GDAP1L1: variants seen among roughly 807,000 people sequenced by gnomAD.
The protein encoded by GDAP1L1 is ganglioside-induced differentiation-associated protein 1-like 1.
GDAP1L1 carries 21 observed loss-of-function variants against 37.1 expected under a neutral mutation model. The observed-to-expected ratio is 0.57, with a 90% CI of 0.40 to 0.81. The LOEUF (loss-of-function observed/expected upper bound fraction) is 0.81, where lower values mean the gene tolerates loss of function less well. GDAP1L1 is among the 40% of genes least tolerant of loss of function. GDAP1L1 has a pLI of 0.00. For synonymous variants in GDAP1L1, 193 were observed against 209.1 expected, an observed-to-expected ratio of 0.92 and a Z score of 0.67; for missense variants, 362 against 491.6, an observed-to-expected ratio of 0.74 and a Z score of 2.49.
At position 44,279,908 on chromosome 20, in the gene GDAP1L1, G is replaced by A. The variant is rs8121976; in HGVS notation, c.*608G>A. 1.1e-4 allele frequency: 46 copies of A among 401,594 alleles called. No individual in the cohort carries two copies. Among genetic ancestry groups the A allele is most frequent in the East Asian group, 2.9e-4 (4 of 13,950 alleles). 24.9% of individuals were successfully genotyped at this position (401,594 alleles called of 1,614,324 possible). On this transcript the variant is annotated 3_prime_UTR_variant, in exon 6 of 6. Coordinates refer to ENST00000342560, the MANE Select transcript of GDAP1L1 (RefSeq NM_024034.6). ...CCAAAAACCAGGCTGCAGTGGGGACGGATACCATGAGCACACCCTCTCATT... is the reference window on the plus strand; with the variant it reads ...CCAAAAACCAGGCTGCAGTGGGGACAGATACCATGAGCACACCCTCTCATT...
upstream of GDAP1L1, chr20:44,247,120 G>A (rs1387698767): frequency 1.0e-5 from 6 of 593,256 alleles, no homozygotes; most frequent in Admixed American, 9.0e-5. Flanking sequence ...GACACTGAGG[G>A]CTGGCGGCTT....
chr20:44,248,483 T>C (rs2073377586), intron 1 of GDAP1L1, among the ~76,000 whole-genome samples: 1 of 152,254 alleles, frequency 6.6e-6, no homozygotes, highest in Non-Finnish European at 1.5e-5. Flanking sequence ...ACAGAATCCA[T>C]GAAGAGAAAG....
At chr20:44,265,587 T>C (rs1191607635) in intron 5 of GDAP1L1, 1 of 655,880 alleles carries the variant, frequency 1.5e-6, no homozygotes, top group South Asian at 6.8e-5. Flanking sequence ...CTTGGACAAG[T>C]TGCTTTCCCT....
intron 1 of GDAP1L1, among the ~76,000 whole-genome samples, chr20:44,252,627 C>T (rs888142049): frequency 1.8e-4 from 27 of 152,014 alleles, no homozygotes; most frequent in Admixed American, 8.5e-4. Context: ...GTAACAAGAG[C>T]GAAACTCAAG....
rs1444034572 is a variant in GDAP1L1, at chr20:44,265,843, C to T, written c.760+1284C>T. On this transcript the variant is annotated intron_variant, in intron 5 of 5. Coordinates refer to ENST00000342560, the MANE Select transcript of GDAP1L1 (RefSeq NM_024034.6). ...TCATGGTTAGGGCCAGAACTTGTTC[C>T]CTCTCGATGGGTCCAGTGTTGTTTC... Among the ~76,000 whole-genome samples, 7 of 152,222 alleles carry T rather than the reference C, an allele frequency of 4.6e-5. No individual in the cohort carries two copies. The South Asian group carries it at 1.5e-3, about 32-fold the overall frequency.
chr20:44,271,194 G>A (rs536110278), intron 5 of GDAP1L1, among the ~76,000 whole-genome samples: 1 of 152,308 alleles, frequency 6.6e-6, no homozygotes, highest in South Asian at 2.1e-4. Flanking sequence ...AGCCTAGGAG[G>A]TTGAGGCTGC....
chr20:44,267,869 G>A (rs1031724444), intron 5 of GDAP1L1, among the ~76,000 whole-genome samples: 8 of 152,200 alleles, frequency 5.3e-5, no homozygotes, highest in South Asian at 4.1e-4. Context: ...ACTGCTGACC[G>A]CTGTCCTGAG....
At chr20:44,267,928 G>A (rs6017306) in intron 5 of GDAP1L1, among the ~76,000 whole-genome samples, 43,177 of 152,058 alleles carry the variant, frequency 0.28, 6,784 homozygotes, top group East Asian at 0.45. Context: ...GAGATAAGTG[G>A]GGTTGCTCAA....
At chr20:44,264,642 GC>G (rs779163133) in intron 5 of GDAP1L1, 83 bp downstream of exon 5, 1 of 1,535,284 alleles carries the variant, frequency 6.5e-7, no homozygotes, top group South Asian at 1.2e-5. Context: ...TCTTTTTTCC[GC>G]AAAAGTCTCA....
chr20:44,258,505 C>CT lies in GDAP1L1; in HGVS notation c.446dup (p.Asp150GlyfsTer49), dbSNP rs750983313. ...ACGGGTGCTGCAGTACCGGGAGCTG[C>CT]TGGACGCACTGCCCATGGATGCCTA... On this transcript the variant is annotated frameshift_variant, in exon 3 of 6. Transcript: ENST00000342560. LOFTEE classifies it high-confidence loss of function. The CT allele has an allele frequency of 1.1e-5, 18 of 1,565,342 alleles. No homozygotes were observed. In the Admixed American group the frequency reaches 3.4e-4, roughly 29 times the overall value.
chr20:44,254,428 CT>C (rs773928955), intron 1 of GDAP1L1, among the ~76,000 whole-genome samples: 7 of 152,216 alleles, frequency 4.6e-5, no homozygotes, highest in Non-Finnish European at 1.0e-4. Flanking sequence ...GTTTTTCCCC[CT>C]CTCTCAGACA....
intron 1 of GDAP1L1, among the ~76,000 whole-genome samples, chr20:44,251,863 T>G (rs1248101880): frequency 5.3e-5 from 8 of 152,230 alleles, no homozygotes; most frequent in African/African-American, 1.9e-4. Context: ...CCAATCGTAT[T>G]GAAGTACGGC....
intron 1 of GDAP1L1, among the ~76,000 whole-genome samples, chr20:44,255,367 C>T (rs187560661): frequency 1.1e-3 from 165 of 151,802 alleles, no homozygotes; most frequent in African/African-American, 3.7e-3. Flanking sequence ...TATGGTGAAA[C>T]CCCATCTCTA....
chr20:44,265,084 T>C lies in GDAP1L1; in HGVS notation c.760+525T>C, dbSNP rs142621863. On this transcript the variant is annotated intron_variant, in intron 5 of 5. Coordinates refer to ENST00000342560, the MANE Select transcript of GDAP1L1 (RefSeq NM_024034.6). ...TCGGTTGCTCCCCCATCACCTCCCT[T>C]ACACAACTTGATGGCCACTACCCAC... The C allele has an allele frequency of 4.3e-5, 42 of 985,308 alleles. No homozygotes were observed. The African/African-American group carries it at 7.2e-4, about 17-fold the overall frequency. 61.0% of individuals were successfully genotyped at this position (985,308 alleles called of 1,614,324 possible).
At chr20:44,272,676 A>T (rs1046792765) in intron 5 of GDAP1L1, among the ~76,000 whole-genome samples, 5 of 152,170 alleles carry the variant, frequency 3.3e-5, no homozygotes, top group Non-Finnish European at 7.3e-5. Flanking sequence ...CAGGGAAGGG[A>T]TCAGATACCA....
At chr20:44,276,484 A>T (rs192455170) in intron 5 of GDAP1L1, among the ~76,000 whole-genome samples, 2 of 135,728 alleles carry the variant, frequency 1.5e-5, no homozygotes, top group Admixed American at 1.4e-4. Context: ...GGCAGAAAGC[A>T]AGCAAGCAGG....
intron 1 of GDAP1L1, among the ~76,000 whole-genome samples, chr20:44,253,451 T>A (rs2073482153): frequency 6.6e-6 from 1 of 152,228 alleles, no homozygotes; most frequent in South Asian, 2.1e-4. Context: ...AGATGCTAAG[T>A]GTTTTATACA....
chr20:44,249,804 C>T lies in GDAP1L1; in HGVS notation c.180+2290C>T, dbSNP rs965961203. ...ATGGTGGATTCTAGAAGCAGTGTAGCTTGGCAGAAAGGGCATGGGCTCTGC... is the reference window on the plus strand; with the variant it reads ...ATGGTGGATTCTAGAAGCAGTGTAGTTTGGCAGAAAGGGCATGGGCTCTGC... On this transcript the variant is annotated intron_variant, in intron 1 of 5. Transcript: ENST00000342560. 5.9e-5 allele frequency among the ~76,000 whole-genome samples: 9 copies of T among 152,292 alleles called. 1 individual carries two copies.
chr20:44,258,208 T>A lies in GDAP1L1; in HGVS notation c.374-226T>A, dbSNP rs112486546. ...GTCTAGGACCCCGCCTGGCAGCAAG[T>A]CTGGAGCTGAGAGGAGCTAACCCTC... On this transcript the variant is annotated intron_variant, in intron 2 of 5. Transcript: ENST00000342560. 7.1e-5 allele frequency: 51 copies of A among 718,406 alleles called. 1 individual carries two copies. Among genetic ancestry groups the A allele is most frequent in the Middle Eastern group, 4.6e-4 (2 of 4,372 alleles). 44.5% of individuals were successfully genotyped at this position (718,406 alleles called of 1,614,324 possible).
Sources: gnomAD v4.1 joint callset for allele counts (sites outside exome capture counted in the v4.1 genomes callset) on GRCh38, gnomAD v4.1.1 for gene constraint, MANE v1.5 for transcripts, NCBI Gene and HGNC (gene_info 2026-07-23, HGNC 2026-07-21) for gene names.